CLSTN2: variants seen among roughly 807,000 people sequenced by gnomAD.
CLSTN2 encodes the protein calsyntenin-2.
CLSTN2 carries 48 observed loss-of-function variants against 101.2 expected under a neutral mutation model. That is an observed-to-expected ratio of 0.47 (90% CI 0.38 to 0.60). CLSTN2 has a LOEUF of 0.60. CLSTN2 is among the 20% of genes least tolerant of loss of function. CLSTN2 has a pLI of 0.00. For missense variants in CLSTN2, 1,160 were observed against 1,238.2 expected, an observed-to-expected ratio of 0.94 and a Z score of 0.95; for synonymous variants, 481 against 463.6, an observed-to-expected ratio of 1.04 and a Z score of -0.48.
intron 8 of CLSTN2, among the ~76,000 whole-genome samples, chr3:140,470,318 A>C (rs1280812256): frequency 6.6e-6 from 1 of 152,258 alleles, no homozygotes; most frequent in East Asian, 1.9e-4. Flanking sequence ...TCCATGTGAT[A>C]GGCACGGTGG....
intron 2 of CLSTN2, among the ~76,000 whole-genome samples, chr3:140,249,527 G>T (rs572260202): frequency 6.6e-6 from 1 of 152,138 alleles, no homozygotes; most frequent in East Asian, 1.9e-4. Context: ...GCATAGCAGC[G>T]AATGGCTTCC....
intron 2 of CLSTN2, among the ~76,000 whole-genome samples, chr3:140,193,261 GTTT>G (rs367933711): frequency 3.4e-5 from 3 of 87,440 alleles, no homozygotes; most frequent in East Asian, 3.6e-4. Context: ...CTTTTTTATA[GTTT>G]TTTTTTTTTT....
chr3:140,402,694 A>G (rs879897299), intron 2 of CLSTN2, among the ~76,000 whole-genome samples: 5 of 152,192 alleles, frequency 3.3e-5, no homozygotes, highest in Non-Finnish European at 5.9e-5. Context: ...CAGCTGAAGC[A>G]TTGTCAGACC....
At chr3:140,003,725 T>A (rs946646210) in intron 1 of CLSTN2, among the ~76,000 whole-genome samples, 1 of 152,348 alleles carries the variant, frequency 6.6e-6, no homozygotes, top group South Asian at 2.1e-4. Flanking sequence ...TTTTTGAGAA[T>A]TTTTTGATGA....
chr3:140,087,938 T>C (rs2008706937), intron 1 of CLSTN2, among the ~76,000 whole-genome samples: 1 of 152,160 alleles, frequency 6.6e-6, no homozygotes, highest in Non-Finnish European at 1.5e-5. Context: ...CAGGTGGCAG[T>C]GGCATGGGAG....
At chr3:139,974,486 C>A (rs56008116) in intron 1 of CLSTN2, among the ~76,000 whole-genome samples, 15,836 of 152,208 alleles carry the variant, frequency 0.1, 958 homozygotes, top group East Asian at 0.15. Flanking sequence ...CAGAGGGCAT[C>A]ATGTGATCTC....
intron 1 of CLSTN2, among the ~76,000 whole-genome samples, chr3:140,137,748 C>T (rs1014249694): frequency 4.6e-5 from 7 of 152,120 alleles, no homozygotes; most frequent in African/African-American, 7.2e-5. Flanking sequence ...ACTTAATTCT[C>T]GCCCAGCCCC....
chr3:140,546,498 G>A lies in CLSTN2; in HGVS notation c.1508-17G>A. The stretch of plus-strand genomic sequence containing the variant: ...ACCCAGTCTTCACAGGGCAAATGAT[G>A]GTGTTTGTTTTTTCAGGAGGAGAAG... On this transcript the variant is annotated splice_polypyrimidine_tract_variant and intron_variant, in intron 9 of 16. Coordinates refer to ENST00000458420, the MANE Select transcript of CLSTN2 (RefSeq NM_022131.3). 6.2e-7 allele frequency: 1 copy of A among 1,612,484 alleles called. No homozygotes were observed. Among genetic ancestry groups the A allele is most frequent in the Non-Finnish European group, 8.5e-7 (1 of 1,179,176 alleles).
At chr3:140,500,590 C>T (rs1298833402) in intron 8 of CLSTN2, among the ~76,000 whole-genome samples, 2 of 152,118 alleles carry the variant, frequency 1.3e-5, no homozygotes, top group African/African-American at 2.4e-5. Context: ...GTTTGGTTTT[C>T]GTGTTTGCTC....
chr3:139,982,975 T>TTA (rs1318653351), intron 1 of CLSTN2, among the ~76,000 whole-genome samples: 1 of 138,050 alleles, frequency 7.2e-6, no homozygotes, highest in Non-Finnish European at 1.6e-5. Flanking sequence ...TATATATACT[T>TTA]TATATATATA....
chr3:139,940,206 C>A (rs2107806148), intron 1 of CLSTN2, among the ~76,000 whole-genome samples: 1 of 152,294 alleles, frequency 6.6e-6, no homozygotes, highest in South Asian at 2.1e-4. Flanking sequence ...GGTGAACACA[C>A]CTGTTTGTAA....
At chr3:140,105,350 C>A (rs886547455) in intron 1 of CLSTN2, among the ~76,000 whole-genome samples, 9 of 152,212 alleles carry the variant, frequency 5.9e-5, no homozygotes, top group African/African-American at 2.2e-4. Flanking sequence ...GAGAAGGCAT[C>A]ATATCTTAAA....
chr3:140,369,572 T>A (rs2087827827), intron 2 of CLSTN2, among the ~76,000 whole-genome samples: 1 of 102,924 alleles, frequency 9.7e-6, no homozygotes, highest in Non-Finnish European at 2.3e-5. Context: ...CTGATAATAA[T>A]TTGTTAAAAA....
chr3:140,520,495 T>G (rs887808242), intron 8 of CLSTN2, among the ~76,000 whole-genome samples: 1 of 152,158 alleles, frequency 6.6e-6, no homozygotes, highest in African/African-American at 2.4e-5. Context: ...CTCATGAGAC[T>G]CACTCACTAT....
chr3:139,998,984 C>T (rs1013187373), intron 1 of CLSTN2, among the ~76,000 whole-genome samples: 2 of 116,584 alleles, frequency 1.7e-5, no homozygotes, highest in South Asian at 3.1e-4. Flanking sequence ...CTCTTCTGCC[C>T]GGACCTTGTG....
At chr3:140,134,251 C>G (rs149076528) in intron 1 of CLSTN2, among the ~76,000 whole-genome samples, 58 of 152,282 alleles carry the variant, frequency 3.8e-4, no homozygotes, top group African/African-American at 1.1e-3. Context: ...CTCCTCTCCC[C>G]CTATGTGCTC....
chr3:140,158,952 G>A (rs994268286), intron 1 of CLSTN2, among the ~76,000 whole-genome samples: 3 of 152,172 alleles, frequency 2.0e-5, no homozygotes, highest in Middle Eastern at 3.2e-3. Flanking sequence ...TTCAATAAAT[G>A]ATGCTGGGAT....
intron 8 of CLSTN2, among the ~76,000 whole-genome samples, chr3:140,503,914 G>A (rs898083254): frequency 2.0e-5 from 3 of 152,262 alleles, no homozygotes; most frequent in Middle Eastern, 3.4e-3. Context: ...CTGCAGGAAA[G>A]ACAGTTACAG....
intron 2 of CLSTN2, among the ~76,000 whole-genome samples, chr3:140,178,867 T>C (rs2010364177): frequency 6.6e-6 from 1 of 152,240 alleles, no homozygotes; most frequent in South Asian, 2.1e-4. Flanking sequence ...GTGTCAGTTT[T>C]CCCACCCCTT....
Sources: gnomAD v4.1 joint callset for allele counts (sites outside exome capture counted in the v4.1 genomes callset) on GRCh38, gnomAD v4.1.1 for gene constraint, MANE v1.5 for transcripts, NCBI Gene and HGNC (gene_info 2026-07-23, HGNC 2026-07-21) for gene names.